MAP2K6: variants seen among roughly 807,000 people sequenced by gnomAD.
MAP2K6 encodes the protein dual specificity mitogen-activated protein kinase kinase 6.
Under a neutral mutation model 53.7 loss-of-function variants are expected in MAP2K6, and 16 were observed. That is an observed-to-expected ratio of 0.30 (90% CI 0.20 to 0.45). The LOEUF (loss-of-function observed/expected upper bound fraction) is 0.45. Ranked by LOEUF, MAP2K6 falls within the 20% of genes least tolerant of loss-of-function variation. The probability of loss-of-function intolerance (pLI) is 1.00; values close to 1 mark genes in which losing one functional copy is unlikely to be tolerated. For missense variants in MAP2K6, 204 were observed against 411.9 expected, an observed-to-expected ratio of 0.50 and a Z score of 4.37; for synonymous variants, 132 against 143.1, an observed-to-expected ratio of 0.92 and a Z score of 0.55.
intron 1 of MAP2K6, among the ~76,000 whole-genome samples, chr17:69,474,046 A>G (rs887428851): frequency 1.3e-5 from 2 of 152,256 alleles, no homozygotes; most frequent in Admixed American, 1.3e-4. Flanking sequence ...AGTAAACATC[A>G]GTTAATTTTA....
At chr17:69,422,026 G>A (rs1281802887) in intron 1 of MAP2K6, among the ~76,000 whole-genome samples, 1 of 151,830 alleles carries the variant, frequency 6.6e-6, no homozygotes, top group African/African-American at 2.4e-5. Context: ...GTTGGCCCAT[G>A]CGGTTCAGTA....
chr17:69,421,708 AT>A lies in MAP2K6; in HGVS notation c.16+6716del, dbSNP rs1156608093. Among the ~76,000 whole-genome samples the A allele has an allele frequency of 4.0e-5, 6 of 150,724 alleles. No homozygotes were observed. The East Asian group carries it at 1.2e-3, about 30-fold the overall frequency. ...TGCCTGCCGCCACCATGCCCGGCTA[AT>A]TTTTTTTGTATTTTTAGTAGAGATG... On this transcript the variant is annotated intron_variant, in intron 1 of 11. Coordinates refer to ENST00000590474, the MANE Select transcript of MAP2K6 (RefSeq NM_002758.4).
chr17:69,448,402 T>G (rs2715825), intron 1 of MAP2K6, among the ~76,000 whole-genome samples: 105,443 of 151,812 alleles, frequency 0.69, 36,781 homozygotes, highest in African/African-American at 0.75. Flanking sequence ...TCATTTTGCT[T>G]GTCTGCAGTG....
At chr17:69,541,592 C>A in intron 11 of MAP2K6, 84 bp from the exon 12 acceptor site, 1 of 1,048,578 alleles carries the variant, frequency 9.5e-7, no homozygotes, top group Non-Finnish European at 1.4e-6. Flanking sequence ...AATCCCTGTA[C>A]CAAGCAGATC....
rs1043924879 is a variant in MAP2K6 at position 69,520,989 on chromosome 17, T to G, written c.484-60T>G. On this transcript the variant is annotated intron_variant, in intron 6 of 11. Coordinates refer to ENST00000590474, the MANE Select transcript of MAP2K6 (RefSeq NM_002758.4). ...CAAGGATAATAAACCTTGATATACT[T>G]AACATTCAATTTCTTTCCAGCAATG... The G allele has an allele frequency of 2.2e-6, 3 of 1,368,900 alleles. No homozygotes were observed. In the African/African-American group the frequency reaches 4.3e-5, roughly 20 times the overall value. The allele number at this position is 1,368,900 out of a possible 1,614,324, so 84.8% of individuals were successfully genotyped here.
intron 11 of MAP2K6, among the ~76,000 whole-genome samples, chr17:69,537,453 C>T (rs1377406539): frequency 1.3e-5 from 2 of 152,188 alleles, no homozygotes; most frequent in South Asian, 2.1e-4. Flanking sequence ...CAGCCACAAG[C>T]CCTGCTGTCT....
rs1168760297 is a variant in MAP2K6, at chr17:69,519,186, G to T, written c.247-127G>T. ...TGTTACAAATAGCTAATCACTTTGG[G>T]TGGCTATTCACAATGTCATCGCCAG... is the stretch of plus-strand genomic sequence containing the variant. On this transcript the variant is annotated intron_variant, in intron 4 of 11. Coordinates refer to ENST00000590474, the MANE Select transcript of MAP2K6 (RefSeq NM_002758.4). 15 of 957,314 alleles carry T rather than the reference G, an allele frequency of 1.6e-5. No homozygotes were observed. The Admixed American group carries it at 3.9e-4, about 25-fold the overall frequency. The allele number at this position is 957,314 out of a possible 1,614,324, so 59.3% of individuals were successfully genotyped here. A position where few individuals can be genotyped will look rare whatever the true frequency, so the allele number is the denominator to read the frequency against.
intron 1 of MAP2K6, chr17:69,505,408 A>G (rs1909411539): frequency 5.1e-6 from 1 of 194,496 alleles, no homozygotes; most frequent in Admixed American, 6.2e-5. Flanking sequence ...GTGCCACTGT[A>G]CTCCAGCCTG....
Position 69,505,795 on chromosome 17 carries a change from CT to C in MAP2K6, c.33del (p.Gly12AlafsTer22). 1 of 1,613,912 alleles carries C rather than the reference CT, an allele frequency of 6.2e-7. No individual in the cohort carries two copies. Among genetic ancestry groups the C allele is most frequent in the Non-Finnish European group, 8.5e-7 (1 of 1,179,826 alleles). On this transcript the variant is annotated frameshift_variant, in exon 2 of 12. Transcript: ENST00000590474. LOFTEE classifies it high-confidence loss of function. MSQSKGKKRN[P>X]GLKIPKEAFE... Reference sequence around the variant, plus strand: ...TTCCCCATAGGCAAGAAGCGAAACCCTGGCCTTAAAATTCCAAAAGAAGCAT... The same window carrying C: ...TTCCCCATAGGCAAGAAGCGAAACCCGGCCTTAAAATTCCAAAAGAAGCAT...
intron 1 of MAP2K6, among the ~76,000 whole-genome samples, chr17:69,419,511 T>G (rs897368444): frequency 2.0e-5 from 3 of 152,234 alleles, no homozygotes; most frequent in Non-Finnish European, 4.4e-5. Flanking sequence ...GGCAGTTTGA[T>G]GAAAGCTATT....
chr17:69,422,667 A>G (rs1315887102), intron 1 of MAP2K6, among the ~76,000 whole-genome samples: 2 of 152,172 alleles, frequency 1.3e-5, no homozygotes, highest in Non-Finnish European at 2.9e-5. Context: ...GTTACTTTTC[A>G]TATAGTATGC....
chr17:69,419,631 A>G (rs570640016), intron 1 of MAP2K6, among the ~76,000 whole-genome samples: 1 of 152,276 alleles, frequency 6.6e-6, no homozygotes, highest in Non-Finnish European at 1.5e-5. Flanking sequence ...ATATATCCTT[A>G]AAATTTTAAT....
intron 1 of MAP2K6, among the ~76,000 whole-genome samples, chr17:69,473,009 T>G (rs1047975004): frequency 6.6e-6 from 1 of 152,224 alleles, no homozygotes; most frequent in East Asian, 1.9e-4. Flanking sequence ...GCCTGGCCTA[T>G]TCATCTTTCT....
intron 1 of MAP2K6, among the ~76,000 whole-genome samples, chr17:69,468,913 G>A (rs1310552362): frequency 1.3e-5 from 2 of 152,188 alleles, no homozygotes; most frequent in African/African-American, 2.4e-5. Context: ...ATGTGTAAGA[G>A]CTTATTGGTT....
intron 1 of MAP2K6, among the ~76,000 whole-genome samples, chr17:69,449,593 T>C (rs867216032): frequency 8.1e-4 from 115 of 142,184 alleles, no homozygotes; most frequent in Non-Finnish European, 1.4e-3. Context: ...TTCTTTCTTT[T>C]TCTTTCTTTC....
At chr17:69,517,736 AT>A in intron 4 of MAP2K6, 123 bp downstream of exon 4, 2 of 509,118 alleles carry the variant, frequency 3.9e-6, no homozygotes, top group Non-Finnish European at 6.5e-6. Flanking sequence ...AGAAAAGATT[AT>A]TTGCAGGGAA....
chr17:69,528,134 A>G (rs1351913181), intron 10 of MAP2K6, among the ~76,000 whole-genome samples: 1 of 139,604 alleles, frequency 7.2e-6, no homozygotes, highest in African/African-American at 2.7e-5. Flanking sequence ...AAAGCTGTGA[A>G]TACAGCATTC....
Position 69,550,323 on chromosome 17 carries a change from A to G in MAP2K6, c.*8570A>G, listed in dbSNP as rs1247572365. On this transcript the variant is annotated 3_prime_UTR_variant, in exon 12 of 12. Coordinates refer to ENST00000590474, the MANE Select transcript of MAP2K6 (RefSeq NM_002758.4). The stretch of plus-strand genomic sequence containing the variant: ...GCCACCTCTGGGTAAAGAAACACAA[A>G]TACCAAAGCCTGAGCTCCTTAACCT... The G allele has an allele frequency of 6.6e-6, 1 of 152,192 alleles. No individual in the cohort carries two copies. The highest frequency in any genetic ancestry group is 1.9e-4 in the East Asian group (1 of 5,198). 9.4% of individuals were successfully genotyped at this position (152,192 alleles called of 1,614,324 possible).
In MAP2K6 at chr17:69,494,774, G is replaced by C. The variant is rs892363169; in HGVS notation, c.17-11006G>C. Among the ~76,000 whole-genome samples, 1 of 152,076 alleles carries C rather than the reference G, an allele frequency of 6.6e-6. No individual in the cohort carries two copies. The highest frequency in any genetic ancestry group is 1.9e-4 in the East Asian group (1 of 5,158). ...TAATCCCAGCACTTTGGGAGGCTGGGGCGGGTGGATCACCTGAGGTCAGGA... is the reference window on the plus strand; with the variant it reads ...TAATCCCAGCACTTTGGGAGGCTGGCGCGGGTGGATCACCTGAGGTCAGGA... On this transcript the variant is annotated intron_variant, in intron 1 of 11. Transcript: ENST00000590474. This position sits in a 1 kb window ranked among gnomAD's most constrained non-coding sequence, Gnocchi z 4.2.
Sources: allele counts gnomAD v4.1 joint callset (sites outside exome capture counted in the v4.1 genomes callset), GRCh38; gene constraint gnomAD v4.1.1; non-coding constraint Gnocchi (gnomAD v3.1); transcripts MANE v1.5; gene names NCBI Gene and HGNC (gene_info 2026-07-23, HGNC 2026-07-21).